The following SOCS5 variants were observed in gnomAD, a reference collection of about 807,000 sequenced individuals.
SOCS5 encodes the protein CIS-6.
In SOCS5, 32 loss-of-function variants were observed where a neutral mutation model predicts 42.8. The ratio of observed to expected loss-of-function variants is 0.75; its 90% confidence interval spans 0.56 to 1.01. The LOEUF (loss-of-function observed/expected upper bound fraction) is 1.01, where lower values mean the gene tolerates loss of function less well. Ranked by LOEUF, SOCS5 falls within the 50% of genes least tolerant of loss-of-function variation. The pLI is 0.00. For missense variants in SOCS5, 627 were observed against 653.0 expected, an observed-to-expected ratio of 0.96 and a Z score of 0.43; for synonymous variants, 283 against 229.6, an observed-to-expected ratio of 1.23 and a Z score of -2.10.
At chr2:46,721,537 T>C (rs1414912076) in intron 1 of SOCS5, among the ~76,000 whole-genome samples, 3 of 152,222 alleles carry the variant, frequency 2.0e-5, no homozygotes, top group African/African-American at 7.2e-5. Context: ...AGAAGTTATC[T>C]AGTGCTGTTG....
At chr2:46,720,180 C>T (rs1404179711) in intron 1 of SOCS5, among the ~76,000 whole-genome samples, 1 of 152,040 alleles carries the variant, frequency 6.6e-6, no homozygotes, top group Non-Finnish European at 1.5e-5. Flanking sequence ...AAAGATAATC[C>T]AAGTAAAGTG....
At chr2:46,706,141 T>C (rs1672458535) in intron 1 of SOCS5, among the ~76,000 whole-genome samples, 1 of 152,208 alleles carries the variant, frequency 6.6e-6, no homozygotes, top group African/African-American at 2.4e-5. Context: ...ATTTTGACTG[T>C]TTATTATGTT....
chr2:46,708,848 G>A (rs1672552021), intron 1 of SOCS5, among the ~76,000 whole-genome samples: 2 of 146,320 alleles, frequency 1.4e-5, no homozygotes, highest in African/African-American at 2.5e-5. Context: ...GGCTGGTGAA[G>A]TGGTCTCTGA....
chr2:46,727,172 G>A (rs1259400160), intron 1 of SOCS5, among the ~76,000 whole-genome samples: 21 of 123,160 alleles, frequency 1.7e-4, no homozygotes, highest in African/African-American at 6.3e-4. Context: ...TTTTTGAAAC[G>A]GAGTCTTGCT....
chr2:46,710,466 T>C (rs1377952055), intron 1 of SOCS5, among the ~76,000 whole-genome samples: 1 of 151,938 alleles, frequency 6.6e-6, no homozygotes, highest in African/African-American at 2.4e-5. Flanking sequence ...TTTTAAAAAG[T>C]GGAAGTGTAA....
chr2:46,711,854 C>T (rs1672630103), intron 1 of SOCS5, among the ~76,000 whole-genome samples: 1 of 152,182 alleles, frequency 6.6e-6, no homozygotes, highest in Admixed American at 6.5e-5. Flanking sequence ...TCCCTTTCCG[C>T]ATTAATTGCT....
intron 1 of SOCS5, among the ~76,000 whole-genome samples, chr2:46,707,371 C>A (rs1437111351): frequency 2.0e-5 from 3 of 152,188 alleles, no homozygotes. Flanking sequence ...CTGATTGTTT[C>A]TTCACTCATT....
At chr2:46,708,768 A>G (rs1672550383) in intron 1 of SOCS5, among the ~76,000 whole-genome samples, 1 of 150,726 alleles carries the variant, frequency 6.6e-6, no homozygotes, top group Admixed American at 6.6e-5. Context: ...ACAACACAGG[A>G]TTCTTAGGCA....
At chr2:46,718,825 T>C (rs971098481) in intron 1 of SOCS5, among the ~76,000 whole-genome samples, 1 of 152,200 alleles carries the variant, frequency 6.6e-6, no homozygotes, top group Non-Finnish European at 1.5e-5. Context: ...GAATAAAGTA[T>C]TGGCAAATAT....
chr2:46,707,849 TGCCTAACCTACCAAACAACATAGCTTA>T (rs1376341412), intron 1 of SOCS5, among the ~76,000 whole-genome samples: 2 of 152,224 alleles, frequency 1.3e-5, no homozygotes, highest in African/African-American at 4.8e-5. Flanking sequence ...GCATTTAATA[TGCCTAACCTACCAAACAACATAGCTTA>T]GCCTAGCCTA....
intron 1 of SOCS5, among the ~76,000 whole-genome samples, chr2:46,746,826 T>C (rs1558410935): frequency 6.6e-6 from 1 of 152,110 alleles, no homozygotes; most frequent in Non-Finnish European, 1.5e-5. Flanking sequence ...TACTTTTCTT[T>C]CTTTTTTAAG....
chr2:46,740,816 C>G (rs958451617), intron 1 of SOCS5, among the ~76,000 whole-genome samples: 1 of 152,070 alleles, frequency 6.6e-6, no homozygotes, highest in Non-Finnish European at 1.5e-5. Flanking sequence ...AGGCCCAGAC[C>G]CACTTGTGTC....
At chr2:46,742,747 C>G (rs1323601641) in intron 1 of SOCS5, among the ~76,000 whole-genome samples, 1 of 152,002 alleles carries the variant, frequency 6.6e-6, no homozygotes, top group African/African-American at 2.4e-5. Context: ...CTCACTGCAT[C>G]CTCTGCCTCC....
At chr2:46,713,909 T>G (rs1672683071) in intron 1 of SOCS5, among the ~76,000 whole-genome samples, 1 of 152,216 alleles carries the variant, frequency 6.6e-6, no homozygotes, top group Non-Finnish European at 1.5e-5. Context: ...ACCCATGGGT[T>G]GTTTGAAAGA....
intron 1 of SOCS5, among the ~76,000 whole-genome samples, chr2:46,726,119 C>T (rs924734134): frequency 4.6e-5 from 7 of 151,882 alleles, no homozygotes; most frequent in South Asian, 2.1e-4. Flanking sequence ...TTTTTGTAGA[C>T]GGAGTCTCGC....
chr2:46,760,196 G>A lies in SOCS5; in HGVS notation c.*55G>A, dbSNP rs1008572343. 1.2e-5 allele frequency: 16 copies of A among 1,309,576 alleles called. No individual in the cohort carries two copies. The African/African-American group carries it at 1.8e-4, about 15-fold the overall frequency. 81.1% of individuals were successfully genotyped at this position (1,309,576 alleles called of 1,614,324 possible). A position where few individuals can be genotyped will look rare whatever the true frequency, so the allele number is the denominator to read the frequency against. On this transcript the variant is annotated 3_prime_UTR_variant, in exon 2 of 2. Coordinates refer to ENST00000394861, the MANE Select transcript of SOCS5 (RefSeq NM_144949.3). ...GGTCCGCTTTCATGTGCATCAGACAGTACACCTATAGCAAGCACACGTAGC... is the reference window on the plus strand; with the variant it reads ...GGTCCGCTTTCATGTGCATCAGACAATACACCTATAGCAAGCACACGTAGC...
At chr2:46,724,798 G>A (rs1672958103) in intron 1 of SOCS5, among the ~76,000 whole-genome samples, 1 of 151,918 alleles carries the variant, frequency 6.6e-6, no homozygotes, top group South Asian at 2.1e-4. Flanking sequence ...CTGTCTTGGT[G>A]AACATTTTGC....
chr2:46,718,349 T>C lies in SOCS5; in HGVS notation c.-13+18900T>C, dbSNP rs548269939. 6.6e-5 allele frequency among the ~76,000 whole-genome samples: 10 copies of C among 152,338 alleles called. No individual in the cohort carries two copies. The South Asian group carries it at 2.1e-3, about 32-fold the overall frequency. On this transcript the variant is annotated intron_variant, in intron 1 of 1. Coordinates refer to ENST00000394861, the MANE Select transcript of SOCS5 (RefSeq NM_144949.3). ...TACTTTTTCTTCTTTTTAAAAACTC[T>C]TTACAGTTTTTGGTATATTATACTT...
chr2:46,758,772 A>ATTTT lies in SOCS5; in HGVS notation c.244_245insTTTT (p.Cys82PhefsTer11). ...AAGAATTCTTCAAGGAGAAATCAAAATTGTGCCACAGAAATCCCTCAAATT... is the reference window on the plus strand; with the variant it reads ...AAGAATTCTTCAAGGAGAAATCAAAATTTTTTGTGCCACAGAAATCCCTCAAATT... On this transcript the variant is annotated frameshift_variant, in exon 2 of 2. Coordinates refer to ENST00000394861, the MANE Select transcript of SOCS5 (RefSeq NM_144949.3). LOFTEE classifies it high-confidence loss of function. 4 of 1,614,232 alleles carry ATTTT rather than the reference A, an allele frequency of 2.5e-6. No individual in the cohort carries two copies. The highest frequency in any genetic ancestry group is 3.4e-6 in the Non-Finnish European group (4 of 1,180,038).
Sources: gnomAD v4.1 joint callset for allele counts (sites outside exome capture counted in the v4.1 genomes callset) on GRCh38, gnomAD v4.1.1 for gene constraint, MANE v1.5 for transcripts, NCBI Gene and HGNC (gene_info 2026-07-23, HGNC 2026-07-21) for gene names.